TSPAN5: variants seen among roughly 807,000 people sequenced by gnomAD.
The protein encoded by TSPAN5 is tetraspanin-5.
TSPAN5 carries 10 observed loss-of-function variants against 37.1 expected under a neutral mutation model. The observed-to-expected ratio is 0.27, with a 90% CI of 0.17 to 0.46. TSPAN5 has a LOEUF of 0.46. Ranked by LOEUF, TSPAN5 falls within the 20% of genes least tolerant of loss-of-function variation. The probability of loss-of-function intolerance (pLI) is 1.00; values close to 1 mark genes in which losing one functional copy is unlikely to be tolerated. For synonymous variants in TSPAN5, 110 were observed against 118.9 expected, an observed-to-expected ratio of 0.93 and a Z score of 0.48; for missense variants, 195 against 326.6, an observed-to-expected ratio of 0.60 and a Z score of 3.11.
At chr4:98,598,793 G>C (rs1755817344) in intron 1 of TSPAN5, among the ~76,000 whole-genome samples, 1 of 152,144 alleles carries the variant, frequency 6.6e-6, no homozygotes, top group African/African-American at 2.4e-5. Context: ...ATGTGCCTTA[G>C]TTTCAGGTAT....
chr4:98,510,780 C>T (rs1195723542), intron 1 of TSPAN5, among the ~76,000 whole-genome samples: 1 of 152,174 alleles, frequency 6.6e-6, no homozygotes, highest in East Asian at 1.9e-4. Flanking sequence ...GGGAAACACT[C>T]AATACCTAAG....
rs887721501 is a variant in TSPAN5, at chr4:98,482,240, T to C, written c.280-65A>G. On this transcript the variant is annotated intron_variant, in intron 3 of 7. Coordinates refer to ENST00000305798, the MANE Select transcript of TSPAN5 (RefSeq NM_005723.4). ...GCTATTTTGATCATATATAGCTAAA[T>C]GGTTCCTCTCTAAACAGGTTTGTAA... 2.7e-6 allele frequency: 4 copies of C among 1,465,444 alleles called. No homozygotes were observed. The African/African-American group carries it at 5.7e-5, about 21-fold the overall frequency. 90.8% of individuals were successfully genotyped at this position (1,465,444 alleles called of 1,614,324 possible).
intron 1 of TSPAN5, among the ~76,000 whole-genome samples, chr4:98,622,809 G>A (rs563518761): frequency 3.9e-5 from 6 of 152,306 alleles, no homozygotes; most frequent in Non-Finnish European, 7.4e-5. Context: ...GTATAGAAAA[G>A]AGGGGCTTCT....
At chr4:98,548,011 C>CAAAA (rs535093440) in intron 1 of TSPAN5, among the ~76,000 whole-genome samples, 1 of 89,268 alleles carries the variant, frequency 1.1e-5, no homozygotes, top group Non-Finnish European at 2.1e-5. Context: ...GACTCTGTCT[C>CAAAA]AAAAAAAAAA....
chr4:98,617,084 A>G (rs920946947), intron 1 of TSPAN5, among the ~76,000 whole-genome samples: 2 of 152,170 alleles, frequency 1.3e-5, no homozygotes, highest in African/African-American at 2.4e-5. Flanking sequence ...TTGGCCTCCC[A>G]AAATACTGGG....
chr4:98,586,509 T>C (rs1053031439), intron 1 of TSPAN5, among the ~76,000 whole-genome samples: 1 of 152,192 alleles, frequency 6.6e-6, no homozygotes, highest in African/African-American at 2.4e-5. Context: ...ATGAACTAGG[T>C]CACTAAGTAT....
intron 1 of TSPAN5, among the ~76,000 whole-genome samples, chr4:98,649,148 CTTTCT>C (rs970460028): frequency 3.1e-4 from 47 of 152,216 alleles, no homozygotes; most frequent in African/African-American, 1.1e-3. Context: ...TGGTTCTTTT[CTTTCT>C]TAAGTGGTGG....
intron 2 of TSPAN5, among the ~76,000 whole-genome samples, chr4:98,492,993 A>G (rs1407796391): frequency 1.3e-5 from 2 of 152,162 alleles, no homozygotes; most frequent in Non-Finnish European, 2.9e-5. Context: ...CCTGGGCAAT[A>G]AAACAAGACC....
At position 98,533,939 on chromosome 4, in the gene TSPAN5, T is replaced by TAAGAAAAAAAAAA. The variant is rs1488955038; in HGVS notation, c.82-26212_82-26211insTTTTTTTTTTCTT. Among the ~76,000 whole-genome samples the TAAGAAAAAAAAAA allele has an allele frequency of 8.7e-4, 27 of 31,152 alleles. 1 individual carries two copies. The highest frequency in any genetic ancestry group is 5.0e-3 in the African/African-American group (27 of 5,448). 20.4% of individuals were successfully genotyped at this position (31,152 alleles called of 152,430 possible). A position where few individuals can be genotyped will look rare whatever the true frequency, so the allele number is the denominator to read the frequency against. On this transcript the variant is annotated intron_variant, in intron 1 of 7. Transcript: ENST00000305798. ...AGTGGTCTATCCATTTTGTTGATCT[T>TAAGAAAAAAAAAA]AAAAAAAAAAAAAAAAAAAAAAACC...
chr4:98,527,370 T>C (rs1753983955), intron 1 of TSPAN5, among the ~76,000 whole-genome samples: 4 of 152,200 alleles, frequency 2.6e-5, no homozygotes, highest in Admixed American at 2.0e-4. Context: ...TCAATTTAGA[T>C]ATAAAATCAA....
At chr4:98,501,867 G>A (rs906166531) in intron 2 of TSPAN5, among the ~76,000 whole-genome samples, 1 of 152,196 alleles carries the variant, frequency 6.6e-6, no homozygotes, top group Non-Finnish European at 1.5e-5. Context: ...TCCAGCTGCT[G>A]CACAGAGACA....
intron 1 of TSPAN5, among the ~76,000 whole-genome samples, chr4:98,576,693 C>T (rs530294692): frequency 6.6e-6 from 1 of 152,210 alleles, no homozygotes; most frequent in South Asian, 2.1e-4. Context: ...CAAAGCAAGA[C>T]CCTGTCTCAA....
At chr4:98,633,562 C>T (rs1413948383) in intron 1 of TSPAN5, among the ~76,000 whole-genome samples, 4 of 152,098 alleles carry the variant, frequency 2.6e-5, no homozygotes, top group Non-Finnish European at 5.9e-5. Context: ...TTCATCACTT[C>T]GATGAACAAT....
intron 1 of TSPAN5, among the ~76,000 whole-genome samples, chr4:98,625,847 A>C (rs1296442770): frequency 1.3e-5 from 2 of 152,190 alleles, no homozygotes; most frequent in Non-Finnish European, 2.9e-5. Flanking sequence ...CTTGGAAAAA[A>C]AAAAATCACT....
intron 1 of TSPAN5, among the ~76,000 whole-genome samples, chr4:98,637,145 T>C (rs573363960): frequency 1.3e-5 from 2 of 152,286 alleles, no homozygotes; most frequent in Admixed American, 6.5e-5. Context: ...CCATGCAACT[T>C]AAAAGGACTG....
chr4:98,492,584 C>G (rs113572068), intron 2 of TSPAN5, among the ~76,000 whole-genome samples: 7 of 152,326 alleles, frequency 4.6e-5, no homozygotes, highest in African/African-American at 1.4e-4. Context: ...CATAGACACA[C>G]AGACACACGC....
intron 1 of TSPAN5, among the ~76,000 whole-genome samples, chr4:98,512,451 C>A (rs1049746710): frequency 6.6e-6 from 1 of 152,142 alleles, no homozygotes; most frequent in Non-Finnish European, 1.5e-5. Context: ...TATGTTTTCC[C>A]ACCTAGGAAT....
intron 2 of TSPAN5, among the ~76,000 whole-genome samples, chr4:98,491,997 G>A (rs1157246234): frequency 6.6e-6 from 1 of 152,110 alleles, no homozygotes; most frequent in Non-Finnish European, 1.5e-5. Flanking sequence ...GAATGTGCAA[G>A]AACACCACCA....
intron 5 of TSPAN5, among the ~76,000 whole-genome samples, chr4:98,477,894 A>G (rs1469911984): frequency 2.0e-5 from 3 of 152,008 alleles, no homozygotes; most frequent in Non-Finnish European, 4.4e-5. Context: ...TCCTGGGCTC[A>G]AGGGATCCTC....
Sources: gnomAD v4.1 joint callset for allele counts (sites outside exome capture counted in the v4.1 genomes callset) on GRCh38, gnomAD v4.1.1 for gene constraint, MANE v1.5 for transcripts, NCBI Gene and HGNC (gene_info 2026-07-23, HGNC 2026-07-21) for gene names.